The following ALG9 variants were observed in gnomAD, a reference collection of about 807,000 sequenced individuals.
ALG9 encodes alpha-1,2-mannosyltransferase ALG9.
Under a neutral mutation model 81.8 loss-of-function variants are expected in ALG9, and 55 were observed. That is an observed-to-expected ratio of 0.67 (90% CI 0.54 to 0.84). The LOEUF (loss-of-function observed/expected upper bound fraction) is 0.84. Ranked by LOEUF, ALG9 falls within the 40% of genes least tolerant of loss-of-function variation. The probability of loss-of-function intolerance (pLI) is 0.00; values close to 1 mark genes in which losing one functional copy is unlikely to be tolerated. For missense variants in ALG9, 629 were observed against 745.0 expected (o/e 0.84, Z 1.81); for synonymous variants, 278 against 274.3 (o/e 1.01, Z -0.13).
Position 111,857,644 on chromosome 11 carries a change from G to A in ALG9, c.659C>T (p.Ala220Val), listed in dbSNP as rs1555144361. The A allele has an allele frequency of 3.1e-6, 5 of 1,614,154 alleles. No individual in the cohort carries two copies. The highest frequency in any genetic ancestry group is 4.2e-6 in the Non-Finnish European group (5 of 1,180,024). Residue 220 changes from alanine to valine, a missense_variant, in exon 6 of 15, where the codon GCA (alanine) becomes GTA (valine). Coordinates refer to ENST00000616540, the MANE Select transcript of ALG9 (RefSeq NM_024740.2). ...DKTSIAVLGV[A>V]AGAILGWPFS... is the part of the protein sequence containing the mutation. ...TGGCCAGCCTAAGATAGCCCCAGCT[G>A]CTACTCCCAGCACAGCAATGGAAGT...
rs782220574 is a variant in ALG9, at chr11:111,786,060, A to G, written c.*337T>C. 6 of 460,732 alleles carry G rather than the reference A, an allele frequency of 1.3e-5. No homozygotes were observed. Among genetic ancestry groups the G allele is most frequent in the East Asian group, 1.4e-4 (2 of 14,644 alleles). 28.5% of individuals were successfully genotyped at this position (460,732 alleles called of 1,614,324 possible). A position where few individuals can be genotyped will look rare whatever the true frequency, so the allele number is the denominator to read the frequency against. ...CAGCCATCCAGTACCAGGATTTTCAATTCTTCCTGTAAGTTGGTTCTGCTC... is the reference window on the plus strand; with the variant it reads ...CAGCCATCCAGTACCAGGATTTTCAGTTCTTCCTGTAAGTTGGTTCTGCTC... On this transcript the variant is annotated 3_prime_UTR_variant, in exon 15 of 15. Coordinates refer to ENST00000616540, the MANE Select transcript of ALG9 (RefSeq NM_024740.2).
intron 1 of ALG9, among the ~76,000 whole-genome samples, chr11:111,870,574 A>G (rs1964013937): frequency 6.6e-6 from 1 of 152,176 alleles, no homozygotes. Flanking sequence ...AATTTTTATG[A>G]GATAGGGTCT....
chr11:111,809,694 T>C lies in ALG9; in HGVS notation c.1682A>G (p.Asn561Ser), dbSNP rs782742740. ...GGCCAAGCTGATCCATTCTTCTTTA[T>C]TGGATGAATATTTTGGCTCCCGGGG... ...ETPREPKYSS[N>S]KEEWISLAYR... The change falls in exon 14 of 15, where the codon AAT becomes AGT. Residue 561 changes from asparagine to serine, a missense_variant. Asn to Ser is a conservative substitution (Grantham distance 46). Coordinates refer to ENST00000616540, the MANE Select transcript of ALG9 (RefSeq NM_024740.2). 22 of 1,614,008 alleles carry C rather than the reference T, an allele frequency of 1.4e-5. No homozygotes were observed. Among genetic ancestry groups the C allele is most frequent in the Middle Eastern group, 1.6e-4 (1 of 6,084 alleles).
At chr11:111,838,436 A>AT in intron 10 of ALG9, 37 bp from the exon 11 acceptor site, 1 of 1,548,662 alleles carries the variant, frequency 6.5e-7, no homozygotes, top group Non-Finnish European at 8.9e-7. Flanking sequence ...AATATACATA[A>AT]TTACAAGACA....
intron 14 of ALG9, chr11:111,805,456 C>A: frequency 2.5e-6 from 1 of 396,732 alleles, no homozygotes; most frequent in Non-Finnish European, 5.0e-6. Flanking sequence ...CACATCCAGA[C>A]AATGGAATAT....
Position 111,844,656 on chromosome 11 carries a change from A to T in ALG9, c.963T>A (p.Ala321=). The T allele has an allele frequency of 6.2e-7, 1 of 1,614,126 alleles. No homozygotes were observed. The highest frequency in any genetic ancestry group is 1.1e-5 in the South Asian group (1 of 91,086). ...FLNFNVAFAL[A]LLVLPLTSLM... ...GAGAAGTCAGTGGTAGGACTAGGAG[A>T]GCCAAAGCAAAGGCTACATTGAAAT... is the stretch of plus-strand genomic sequence containing the variant. The change falls in exon 9 of 15, where the codon GCT becomes GCA. Residue 321 remains alanine, a synonymous_variant. Transcript: ENST00000616540.
rs140366843 is a variant in ALG9 at position 111,809,605 on chromosome 11, C to G, written c.1733+38G>C. 5.8e-3 allele frequency: 9,278 copies of G among 1,612,898 alleles called. 45 individuals are homozygous for G. The highest frequency in any genetic ancestry group is 7.3e-3 in the Non-Finnish European group (8,606 of 1,179,168). On this transcript the variant is annotated intron_variant, in intron 14 of 14. Coordinates refer to ENST00000616540, the MANE Select transcript of ALG9 (RefSeq NM_024740.2). Reference sequence around the variant, plus strand: ...TCCTAGAATCCAATTTTTACCCATACTAGTCCTGGAATATCCCATAGGATT... The same window carrying G: ...TCCTAGAATCCAATTTTTACCCATAGTAGTCCTGGAATATCCCATAGGATT...
At chr11:111,801,840 CT>C (rs1353663842) in intron 14 of ALG9, among the ~76,000 whole-genome samples, 1 of 152,182 alleles carries the variant, frequency 6.6e-6, no homozygotes, top group African/African-American at 2.4e-5. Context: ...CTGCTGTCCC[CT>C]CAGAGCTGGG....
rs1049687333 is a variant in ALG9 at position 111,867,073 on chromosome 11, C to T, written c.405+1529G>A. On this transcript the variant is annotated intron_variant, in intron 3 of 14. Transcript: ENST00000616540. ...TCACATCACTGCACTCCAGCCTGGGCGACAGAGTGAGACTTCGTCTCAAAA... is the reference window on the plus strand; with the variant it reads ...TCACATCACTGCACTCCAGCCTGGGTGACAGAGTGAGACTTCGTCTCAAAA... 3.9e-5 allele frequency among the ~76,000 whole-genome samples: 6 copies of T among 152,230 alleles called. No homozygotes were observed. The South Asian group carries it at 6.2e-4, about 16-fold the overall frequency.
intron 14 of ALG9, chr11:111,805,360 T>C (rs888605536): frequency 4.4e-6 from 2 of 455,214 alleles, no homozygotes; most frequent in African/African-American, 4.0e-5. Context: ...CAGTTTATGG[T>C]CATTTGTTAT....
intron 4 of ALG9, among the ~76,000 whole-genome samples, chr11:111,862,742 T>G (rs930074791): frequency 1.5e-4 from 23 of 150,738 alleles, no homozygotes; most frequent in Non-Finnish European, 8.9e-5. Context: ...ATATGATTCT[T>G]ATAAGTTCTG....
downstream of ALG9, among the ~76,000 whole-genome samples, chr11:111,779,185 A>AG (rs1945791603): frequency 6.6e-6 from 1 of 152,162 alleles, no homozygotes. Context: ...GCTGCTTTAC[A>AG]GGTCACAGCT....
chr11:111,807,621 A>G (rs1950112592), intron 14 of ALG9, among the ~76,000 whole-genome samples: 1 of 152,130 alleles, frequency 6.6e-6, no homozygotes. Context: ...TCACTAGGAG[A>G]AAGATCTTTG....
intron 12 of ALG9, among the ~76,000 whole-genome samples, chr11:111,837,174 C>T (rs1014357980): frequency 6.6e-6 from 1 of 152,186 alleles, no homozygotes; most frequent in South Asian, 2.1e-4. Flanking sequence ...ATATGAATCC[C>T]CACGAAGAGC....
downstream of ALG9, among the ~76,000 whole-genome samples, chr11:111,778,816 C>CTTTTT (rs61190059): frequency 7.2e-5 from 10 of 138,594 alleles, no homozygotes; most frequent in Non-Finnish European, 1.3e-4. Flanking sequence ...CTTTTCTTTT[C>CTTTTT]TTTTTTTTTT....
At chr11:111,840,522 G>A in intron 10 of ALG9, 133 bp downstream of exon 10, 1 of 1,030,926 alleles carries the variant, frequency 9.7e-7, no homozygotes, top group South Asian at 1.4e-5. Context: ...TTAATAATAT[G>A]ATCTATATCA....
chr11:111,823,923 T>C (rs138572481), intron 13 of ALG9, among the ~76,000 whole-genome samples: 179 of 152,332 alleles, frequency 1.2e-3, no homozygotes, highest in Non-Finnish European at 2.1e-3. Flanking sequence ...AGAGGTGTTA[T>C]GTGAATTGCA....
chr11:111,792,611 T>C (rs916984884), intron 14 of ALG9, among the ~76,000 whole-genome samples: 2 of 152,170 alleles, frequency 1.3e-5, no homozygotes, highest in South Asian at 2.1e-4. Context: ...CCAAGAAACA[T>C]CCTGATTTGC....
chr11:111,794,199 G>C (rs1224515624), intron 14 of ALG9, among the ~76,000 whole-genome samples: 3 of 152,242 alleles, frequency 2.0e-5, no homozygotes, highest in African/African-American at 7.2e-5. Flanking sequence ...CTGGCTGCCA[G>C]TCCCTGATGT....
Sources: allele counts gnomAD v4.1 joint callset (sites outside exome capture counted in the v4.1 genomes callset), GRCh38; gene constraint gnomAD v4.1.1; transcripts MANE v1.5; gene names NCBI Gene and HGNC (gene_info 2026-07-23, HGNC 2026-07-21).